The following PTPN3 variants were observed in gnomAD, a reference collection of about 807,000 sequenced individuals.
PTPN3 encodes the protein tyrosine-protein phosphatase non-receptor type 3.
PTPN3 carries 96 observed loss-of-function variants against 132.7 expected under a neutral mutation model. That is an observed-to-expected ratio of 0.72 (90% CI 0.61 to 0.86). PTPN3 has a LOEUF of 0.86. Among genes scored for constraint, PTPN3 ranks in the 40% least tolerant of loss-of-function variants. The pLI is 0.00. For missense variants in PTPN3, 1,125 were observed against 1,159.6 expected (o/e 0.97, Z 0.43); for synonymous variants, 398 against 429.0 (o/e 0.93, Z 0.89).
At chr9:109,508,101 T>C in the PTPN3 span, among the ~76,000 whole-genome samples, 4 of 152,116 alleles carry the variant, frequency 2.6e-5, no homozygotes, top group South Asian at 4.2e-4. Flanking sequence ...TCCCCGATTA[T>C]CTCCACTGGC....
At chr9:109,455,446 G>A (rs1400274539) in intron 4 of PTPN3, among the ~76,000 whole-genome samples, 1 of 152,172 alleles carries the variant, frequency 6.6e-6, no homozygotes, top group Non-Finnish European at 1.5e-5. Context: ...TCACTAGCCT[G>A]CTAGATCTCC....
chr9:109,393,315 A>AT (rs1320553421), intron 19 of PTPN3, among the ~76,000 whole-genome samples: 1 of 149,818 alleles, frequency 6.7e-6, no homozygotes, highest in African/African-American at 2.5e-5. Context: ...CTGTTTTGAA[A>AT]TTTTTTTTAC....
chr9:109,514,855 T>G, the PTPN3 span, among the ~76,000 whole-genome samples: 1 of 152,162 alleles, frequency 6.6e-6, no homozygotes, highest in Non-Finnish European at 1.5e-5. Context: ...GGGGTTAAGC[T>G]TATATTTCTG....
At chr9:109,388,668 G>A (rs1839801517) in intron 22 of PTPN3, among the ~76,000 whole-genome samples, 1 of 152,182 alleles carries the variant, frequency 6.6e-6, no homozygotes, top group Non-Finnish European at 1.5e-5. Flanking sequence ...GAAGGGGGCT[G>A]CTATCCAGGG....
upstream of PTPN3, among the ~76,000 whole-genome samples, chr9:109,501,267 A>C (rs1847861146): frequency 6.6e-6 from 1 of 152,202 alleles, no homozygotes; most frequent in South Asian, 2.1e-4. Flanking sequence ...ACAGAAGAGA[A>C]AACAATCTAG....
At chr9:109,419,403 C>A (rs1842742423) in intron 14 of PTPN3, among the ~76,000 whole-genome samples, 1 of 152,176 alleles carries the variant, frequency 6.6e-6, no homozygotes, top group South Asian at 2.1e-4. Flanking sequence ...GCTTGCTAAT[C>A]CTCAGCTGTT....
chr9:109,405,081 T>G (rs1033073241), intron 18 of PTPN3, among the ~76,000 whole-genome samples: 9 of 152,304 alleles, frequency 5.9e-5, no homozygotes, highest in Admixed American at 1.3e-4. Context: ...AATCCCTAAC[T>G]CAGGGCCGTT....
intron 5 of PTPN3, among the ~76,000 whole-genome samples, chr9:109,452,085 T>C (rs558081432): frequency 6.6e-6 from 1 of 151,862 alleles, no homozygotes; most frequent in African/African-American, 2.4e-5. Context: ...CTGGCCAACA[T>C]GGTGAAACCC....
chr9:109,443,868 C>T (rs776805705), intron 7 of PTPN3, among the ~76,000 whole-genome samples: 3 of 152,158 alleles, frequency 2.0e-5, no homozygotes, highest in Non-Finnish European at 4.4e-5. Flanking sequence ...TCGTCTTACT[C>T]GTGAATAGGG....
chr9:109,384,933 C>T (rs1839444820), intron 22 of PTPN3, among the ~76,000 whole-genome samples: 1 of 152,172 alleles, frequency 6.6e-6, no homozygotes, highest in South Asian at 2.1e-4. Flanking sequence ...TTAGACATGA[C>T]AGGTTAAGGG....
chr9:109,467,079 C>G (rs1846135017), intron 1 of PTPN3, among the ~76,000 whole-genome samples: 1 of 152,064 alleles, frequency 6.6e-6, no homozygotes, highest in African/African-American at 2.4e-5. Context: ...TTATAAAATT[C>G]CACCCACCCC....
At chr9:109,529,538 C>T in the PTPN3 span, among the ~76,000 whole-genome samples, 1 of 152,238 alleles carries the variant, frequency 6.6e-6, no homozygotes, top group African/African-American at 2.4e-5. Flanking sequence ...GTTTCTCCTT[C>T]AGTCCATTCC....
chr9:109,503,668 C>G, the PTPN3 span, among the ~76,000 whole-genome samples: 1 of 151,308 alleles, frequency 6.6e-6, no homozygotes, highest in Non-Finnish European at 1.5e-5. Flanking sequence ...AAGATTGCAC[C>G]ACTAACTGCG....
At chr9:109,459,609 TGG>T (rs1845739750) in intron 2 of PTPN3, among the ~76,000 whole-genome samples, 2 of 152,258 alleles carry the variant, frequency 1.3e-5, no homozygotes, top group African/African-American at 4.8e-5. Flanking sequence ...TGGAGTGCAG[TGG>T]TACAATTAGC....
chr9:109,489,965 T>G (rs1384047431), intron 1 of PTPN3, among the ~76,000 whole-genome samples: 1 of 151,986 alleles, frequency 6.6e-6, no homozygotes, highest in Admixed American at 6.6e-5. Flanking sequence ...GTGGATCACT[T>G]GAGGTCAGGA....
chr9:109,438,019 C>T, intron 8 of PTPN3, 95 bp downstream of exon 8: 1 of 1,384,818 alleles, frequency 7.2e-7, no homozygotes, highest in Non-Finnish European at 9.7e-7. Context: ...AGGATTCATG[C>T]ACAAAAGAAA....
chr9:109,459,237 G>A (rs564874791), intron 2 of PTPN3, among the ~76,000 whole-genome samples: 2 of 152,368 alleles, frequency 1.3e-5, no homozygotes, highest in East Asian at 1.9e-4. Context: ...CACGGCACCA[G>A]GTCACCACCA....
the PTPN3 span, chr9:109,533,955 T>A: frequency 1.3e-6 from 1 of 756,346 alleles, no homozygotes; most frequent in African/African-American, 1.7e-5. Flanking sequence ...CCAGGACCTA[T>A]AACATGTGCT....
At chr9:109,409,916 G>A (rs2131760788) in intron 16 of PTPN3, 83 bp downstream of exon 16, 1 of 1,539,756 alleles carries the variant, frequency 6.5e-7, no homozygotes, top group Non-Finnish European at 8.8e-7. Flanking sequence ...GCTCAGGAAT[G>A]CAGCACATTT....
Sources: allele counts gnomAD v4.1 joint callset (sites outside exome capture counted in the v4.1 genomes callset), GRCh38; gene constraint gnomAD v4.1.1; transcripts MANE v1.5; gene names NCBI Gene and HGNC (gene_info 2026-07-23, HGNC 2026-07-21).